LOC112694756: variants seen among roughly 807,000 people sequenced by gnomAD.
chr16:30,069,504 G>A, the LOC112694756 span: 1 of 1,614,098 alleles, frequency 6.2e-7, no homozygotes, highest in Non-Finnish European at 8.5e-7. Flanking sequence ...TCCAGGTGCT[G>A]GCTGCTGTCT....
the LOC112694756 span, chr16:30,069,225 T>C: frequency 3.3e-6 from 5 of 1,509,470 alleles, no homozygotes; most frequent in Non-Finnish European, 3.7e-6. Flanking sequence ...CAAGATACGG[T>C]CTTGACCAGT....
the LOC112694756 span, chr16:30,068,827 G>A: frequency 2.5e-6 from 4 of 1,614,234 alleles, no homozygotes; most frequent in Non-Finnish European, 3.4e-6. Flanking sequence ...GGGTTGGATG[G>A]GCTGTCTGAG....
At chr16:30,055,898 C>G in the LOC112694756 span, among the ~76,000 whole-genome samples, 1 of 152,098 alleles carries the variant, frequency 6.6e-6, no homozygotes, top group Admixed American at 6.6e-5. Context: ...CTCCCAGGCT[C>G]AAGTGATTCT....
the LOC112694756 span, chr16:30,070,253 G>GC: frequency 1.3e-6 from 2 of 1,599,456 alleles, no homozygotes; most frequent in African/African-American, 1.3e-5. Context: ...TCCAGGCCCT[G>GC]CCCCCTCCCA....
the LOC112694756 span, chr16:30,067,243 A>G: frequency 3.9e-5 from 63 of 1,612,066 alleles, no homozygotes; most frequent in African/African-American, 4.4e-4. Flanking sequence ...GGAACTTGCT[A>G]CTACCAGCAC....
the LOC112694756 span, chr16:30,070,197 T>A: frequency 6.2e-7 from 1 of 1,614,124 alleles, no homozygotes; most frequent in Non-Finnish European, 8.5e-7. Flanking sequence ...TCTTCGTCTC[T>A]AACCACGCCT....
At chr16:30,058,942 G>A in the LOC112694756 span, 1 of 398,536 alleles carries the variant, frequency 2.5e-6, no homozygotes, top group Non-Finnish European at 4.4e-6. Context: ...GCCTCGCAGG[G>A]CTTCCATTCT....
the LOC112694756 span, among the ~76,000 whole-genome samples, chr16:30,056,461 G>A: frequency 4.6e-4 from 70 of 152,124 alleles, no homozygotes; most frequent in Admixed American, 3.9e-3. Context: ...TTACAAACCC[G>A]CTCTCTATCC....
At chr16:30,068,627 GT>G in the LOC112694756 span, 1 of 1,614,046 alleles carries the variant, frequency 6.2e-7, no homozygotes, top group Non-Finnish European at 8.5e-7. Flanking sequence ...TCTTAATGTT[GT>G]TACCCTGACC....
the LOC112694756 span, among the ~76,000 whole-genome samples, chr16:30,065,166 A>G: frequency 1.3e-4 from 20 of 152,118 alleles, no homozygotes; most frequent in Non-Finnish European, 2.6e-4. Context: ...GCGCGCCGCT[A>G]GTTCCGCCGC....
At chr16:30,060,702 C>T in the LOC112694756 span, among the ~76,000 whole-genome samples, 7 of 152,116 alleles carry the variant, frequency 4.6e-5, no homozygotes, top group Non-Finnish European at 1.0e-4. Flanking sequence ...ATGGTGTGGT[C>T]CTTCAAAAGC....
the LOC112694756 span, chr16:30,068,099 G>A: frequency 4.7e-6 from 1 of 212,658 alleles, no homozygotes; most frequent in Non-Finnish European, 8.9e-6. Context: ...GAGTCTCGCT[G>A]TCTCCCAGGC....
At chr16:30,065,701 A>C in the LOC112694756 span, 1 of 152,096 alleles carries the variant, frequency 6.6e-6, no homozygotes, top group Non-Finnish European at 1.5e-5. Flanking sequence ...CTCGTAAAGG[A>C]AAAAGCTCGG....
the LOC112694756 span, chr16:30,066,816 G>A: frequency 6.7e-7 from 1 of 1,483,336 alleles, no homozygotes; most frequent in South Asian, 1.3e-5. Flanking sequence ...TTCCCACGAG[G>A]GTGTTGGGCC....
the LOC112694756 span, among the ~76,000 whole-genome samples, chr16:30,053,820 G>T: frequency 6.6e-6 from 1 of 152,290 alleles, no homozygotes; most frequent in South Asian, 2.1e-4. Flanking sequence ...TTTGGAAGAG[G>T]GGGAGGGAGA....
At chr16:30,068,297 C>T in the LOC112694756 span, 6 of 358,624 alleles carry the variant, frequency 1.7e-5, no homozygotes, top group Non-Finnish European at 2.7e-5. Context: ...ATCTCCTGAT[C>T]TCGTGATCTG....
chr16:30,067,178 G>C, the LOC112694756 span: 1 of 1,609,554 alleles, frequency 6.2e-7, no homozygotes, highest in African/African-American at 1.3e-5. Context: ...CTGGTCATCG[G>C]GAGATGATGG....
At chr16:30,067,894 CAG>C in the LOC112694756 span, 2 of 590,154 alleles carry the variant, frequency 3.4e-6, no homozygotes, top group Non-Finnish European at 3.0e-6. Flanking sequence ...GTGTTTTGCT[CAG>C]AGTAAGTGGC....
the LOC112694756 span, chr16:30,069,250 G>A: frequency 6.4e-6 from 10 of 1,573,016 alleles, no homozygotes; most frequent in East Asian, 2.0e-4. Context: ...GTGGAGAGAT[G>A]TAGGTGGGAC....
Sources: allele counts gnomAD v4.1 joint callset (sites outside exome capture counted in the v4.1 genomes callset), GRCh38; gene constraint gnomAD v4.1.1; transcripts MANE v1.5.